PDCD4: variants seen among roughly 807,000 people sequenced by gnomAD.
PDCD4 encodes programmed cell death protein 4.
PDCD4 carries 56 observed loss-of-function variants against 54.0 expected under a neutral mutation model. The ratio of observed to expected loss-of-function variants is 1.04; its 90% CI spans 0.84 to 1.30. PDCD4 has a LOEUF of 1.30. PDCD4 is among the 50% of genes most tolerant of loss of function. The pLI is 0.00. For synonymous variants in PDCD4, 186 were observed against 194.8 expected (o/e 0.95, Z 0.37); for missense variants, 584 against 559.8 (o/e 1.04, Z -0.44).
In PDCD4 at chr10:110,898,675, C is replaced by T. The variant is rs1010030514; in HGVS notation, c.*587C>T. The T allele has an allele frequency of 1.3e-5, 2 of 152,506 alleles. No individual in the cohort carries two copies. Among genetic ancestry groups the T allele is most frequent in the African/African-American group, 4.8e-5 (2 of 41,406 alleles). 9.4% of individuals were successfully genotyped at this position (152,506 alleles called of 1,614,324 possible). On this transcript the variant is annotated 3_prime_UTR_variant, in exon 12 of 12. Coordinates refer to ENST00000280154, the MANE Select transcript of PDCD4 (RefSeq NM_014456.5). Reference sequence around the variant, plus strand: ...GGTGGCTGGAACATCTATTTTTCTACAAAACTGGAAAAATGAACCTGGTTC... The same window carrying T: ...GGTGGCTGGAACATCTATTTTTCTATAAAACTGGAAAAATGAACCTGGTTC...
chr10:110,882,901 A>ATT, intron 3 of PDCD4, 102 bp from the exon 4 acceptor site: 1 of 756,328 alleles, frequency 1.3e-6, no homozygotes, highest in East Asian at 2.8e-5. Flanking sequence ...CGTTAAATAC[A>ATT]ATTTTTTTTT....
At chr10:110,879,444 A>G (rs976895553) in intron 2 of PDCD4, among the ~76,000 whole-genome samples, 2 of 152,134 alleles carry the variant, frequency 1.3e-5, no homozygotes, top group African/African-American at 4.8e-5. Context: ...ACGTAGGTGG[A>G]TCACGAGGTC....
At chr10:110,895,565 A>G (rs1845818989) in intron 10 of PDCD4, among the ~76,000 whole-genome samples, 1 of 152,136 alleles carries the variant, frequency 6.6e-6, no homozygotes. Context: ...ATTTTGGTAG[A>G]ATGATTTATT....
At chr10:110,883,767 C>T (rs776246679) in intron 4 of PDCD4, among the ~76,000 whole-genome samples, 3 of 151,900 alleles carry the variant, frequency 2.0e-5, no homozygotes, top group Non-Finnish European at 4.4e-5. Context: ...AGGTGAGACA[C>T]GGTGATGGAA....
chr10:110,881,811 T>C (rs1845597325), intron 3 of PDCD4, among the ~76,000 whole-genome samples: 1 of 152,246 alleles, frequency 6.6e-6, no homozygotes, highest in South Asian at 2.1e-4. Flanking sequence ...TGTTTTTCAC[T>C]GTTACGAGTT....
intron 1 of PDCD4, among the ~76,000 whole-genome samples, chr10:110,873,334 C>A (rs894280666): frequency 6.6e-6 from 1 of 152,170 alleles, no homozygotes; most frequent in Non-Finnish European, 1.5e-5. Flanking sequence ...ATTAGCCGTT[C>A]GTAGCCGAAG....
rs11195362 is a variant in PDCD4 at position 110,875,275 on chromosome 10, T to G, written c.-62-691T>G. On this transcript the variant is annotated intron_variant, in intron 1 of 11. Transcript: ENST00000280154. ...CTGAGGCCTAAAATACTGAAATGCT[T>G]ATGTCGTTGTACTTACTCCTTTCTG... Among the ~76,000 whole-genome samples, 22 of 152,260 alleles carry G rather than the reference T, an allele frequency of 1.4e-4. No homozygotes were observed. In the East Asian group the frequency reaches 3.7e-3, roughly 25 times the overall value.
At chr10:110,872,240 G>A (rs1293693281) in intron 1 of PDCD4, 3 of 152,204 alleles carry the variant, frequency 2.0e-5, no homozygotes, top group Non-Finnish European at 4.4e-5. Flanking sequence ...CATCCGGCCT[G>A]GTTCCCTCTT....
At chr10:110,876,151 G>A in intron 2 of PDCD4, 81 bp downstream of exon 2, 1 of 1,121,674 alleles carries the variant, frequency 8.9e-7, no homozygotes, top group South Asian at 1.4e-5. Flanking sequence ...GAGTGCAGTG[G>A]TGTGATCATG....
intron 3 of PDCD4, among the ~76,000 whole-genome samples, chr10:110,882,642 G>A (rs1396886745): frequency 6.6e-6 from 1 of 152,114 alleles, no homozygotes; most frequent in Non-Finnish European, 1.5e-5. Flanking sequence ...TACCGGCCCA[G>A]AATGTTTCTT....
In PDCD4 at chr10:110,887,870, C is replaced by T; in HGVS notation, c.761C>T (p.Thr254Ile). 5 of 1,603,862 alleles carry T rather than the reference C, an allele frequency of 3.1e-6. No individual in the cohort carries two copies. The highest frequency in any genetic ancestry group is 4.3e-6 in the Non-Finnish European group (5 of 1,170,802). Reference sequence around the variant, plus strand: ...GATCTACCTGAATTAGCACTGGATACTCCTAGAGCACCACAGGTTTGTATG... The same window carrying T: ...GATCTACCTGAATTAGCACTGGATATTCCTAGAGCACCACAGGTTTGTATG... ...LKDLPELALD[T>I]PRAPQLVGQF... The change falls in exon 6 of 12, where the codon ACT becomes ATT. Residue 254 changes from threonine to isoleucine, a missense_variant. Coordinates refer to ENST00000280154, the MANE Select transcript of PDCD4 (RefSeq NM_014456.5).
At position 110,896,168 on chromosome 10, in the gene PDCD4, C is replaced by T. The variant is rs528349111; in HGVS notation, c.1349+81C>T. ...AAGGTTAACTGCTAAGTTAGTTTATCGTTCCCTGAAGTCACTGAAGAACGT... is the reference window on the plus strand; with the variant it reads ...AAGGTTAACTGCTAAGTTAGTTTATTGTTCCCTGAAGTCACTGAAGAACGT... On this transcript the variant is annotated intron_variant, in intron 11 of 11. Coordinates refer to ENST00000280154, the MANE Select transcript of PDCD4 (RefSeq NM_014456.5). 2,416 of 1,097,530 alleles carry T rather than the reference C, an allele frequency of 2.2e-3. 12 individuals carry two copies. Among genetic ancestry groups the T allele is most frequent in the Non-Finnish European group, 2.1e-3 (1,605 of 761,324 alleles). 68.0% of individuals were successfully genotyped at this position (1,097,530 alleles called of 1,614,324 possible).
intron 10 of PDCD4, 113 bp from the exon 11 acceptor site, chr10:110,895,835 A>T: frequency 1.4e-6 from 1 of 733,222 alleles, no homozygotes; most frequent in East Asian, 2.9e-5. Flanking sequence ...ACTTCAGTTT[A>T]ACCATTTGAA....
intron 5 of PDCD4, 46 bp downstream of exon 5, chr10:110,885,412 G>T (rs749080651): frequency 1.2e-6 from 1 of 836,372 alleles, no homozygotes; most frequent in South Asian, 1.6e-5. Context: ...TAGGAGAGAA[G>T]ACATCTTTTA....
chr10:110,875,828 A>G, intron 1 of PDCD4, 138 bp from the exon 2 acceptor site: 1 of 417,964 alleles, frequency 2.4e-6, no homozygotes. Context: ...AAGTAAAGTG[A>G]ACTGTTTTAT....
intron 2 of PDCD4, among the ~76,000 whole-genome samples, chr10:110,879,146 AG>A (rs1406307598): frequency 6.6e-6 from 1 of 152,174 alleles, no homozygotes; most frequent in African/African-American, 2.4e-5. Context: ...GCTCTTTACC[AG>A]TTAGCTTGTG....
Position 110,883,040 on chromosome 10 carries a change from ACAGGT to A in PDCD4, c.385_389del (p.Gln129ValfsTer2). 1 of 1,601,378 alleles carries A rather than the reference ACAGGT, an allele frequency of 6.2e-7. No homozygotes were observed. Among genetic ancestry groups the A allele is most frequent in the East Asian group, 2.3e-5 (1 of 43,638 alleles). On this transcript the variant is annotated frameshift_variant, in exon 4 of 12. Transcript: ENST00000280154. LOFTEE classifies it high-confidence loss of function. ...GCAAAGGTGTCTGGGGTACACCTGG[ACAGGT>A]GTATGATGTGGAGGAGGTGGATGTG...
intron 2 of PDCD4, chr10:110,880,315 G>A (rs1008619893): frequency 6.6e-6 from 1 of 152,206 alleles, no homozygotes; most frequent in African/African-American, 2.4e-5. Context: ...TAGTGTTCCT[G>A]TACCTAGAGT....
rs1036344767 is a variant in PDCD4 at position 110,898,461 on chromosome 10, A to G, written c.*373A>G. The G allele has an allele frequency of 6.2e-6, 1 of 160,324 alleles. No homozygotes were observed. The highest frequency in any genetic ancestry group is 1.4e-5 in the Non-Finnish European group (1 of 73,256). The allele number at this position is 160,324 out of a possible 1,614,324, so 9.9% of individuals were successfully genotyped here. A position where few individuals can be genotyped will look rare whatever the true frequency, so the allele number is the denominator to read the frequency against. On this transcript the variant is annotated 3_prime_UTR_variant, in exon 12 of 12. Transcript: ENST00000280154. ...AAATCACTGGTTTATACAAAGCTTT[A>G]TTTAGGGGGTAAAGTTAAGCTGCTA...
Sources: allele counts gnomAD v4.1 joint callset (sites outside exome capture counted in the v4.1 genomes callset), GRCh38; gene constraint gnomAD v4.1.1; transcripts MANE v1.5; gene names NCBI Gene and HGNC (gene_info 2026-07-23, HGNC 2026-07-21).